The following MYO3B variants were observed in gnomAD, a reference collection of about 807,000 sequenced individuals.
The protein encoded by MYO3B is myosin IIIB, also known as myosin-IIIb.
A neutral mutation model predicts 174.6 loss-of-function variants in MYO3B; 156 were observed. The ratio of observed to expected loss-of-function variants is 0.89; its 90% CI spans 0.78 to 1.02. The LOEUF is 1.02. Ranked by LOEUF, MYO3B falls within the 50% of genes least tolerant of loss-of-function variation. The pLI, the probability that MYO3B is intolerant of heterozygous loss-of-function variation, is 0.00. For missense variants in MYO3B, 1,632 were observed against 1,639.4 expected (o/e 1.00, Z 0.08); for synonymous variants, 563 against 569.1 (o/e 0.99, Z 0.15).
intron 32 of MYO3B, among the ~76,000 whole-genome samples, chr2:170,545,068 A>G (rs569113576): frequency 8.9e-4 from 135 of 152,232 alleles, no homozygotes; most frequent in Admixed American, 2.6e-3. Flanking sequence ...GTGATTATTG[A>G]TATGTTTTGG....
intron 8 of MYO3B, chr2:170,349,946 G>A (rs1020394725): frequency 1.3e-5 from 2 of 152,160 alleles, no homozygotes; most frequent in African/African-American, 4.8e-5. Flanking sequence ...GGTGGCAAAA[G>A]TGGTCAGATA....
intron 32 of MYO3B, among the ~76,000 whole-genome samples, chr2:170,579,556 A>G (rs1343776053): frequency 6.6e-6 from 1 of 152,164 alleles, no homozygotes; most frequent in Non-Finnish European, 1.5e-5. Context: ...TTTTTACTAA[A>G]TGTGTAGGCA....
intron 28 of MYO3B, among the ~76,000 whole-genome samples, chr2:170,506,545 A>G (rs574472550): frequency 1.3e-4 from 20 of 152,322 alleles, no homozygotes; most frequent in Admixed American, 7.8e-4. Flanking sequence ...ACGGTAAACA[A>G]TGAGATTTAA....
At chr2:170,513,163 A>C (rs73975679) in intron 28 of MYO3B, among the ~76,000 whole-genome samples, 2 of 152,094 alleles carry the variant, frequency 1.3e-5, no homozygotes, top group Admixed American at 6.5e-5. Flanking sequence ...TTCTAATTTC[A>C]GTACTTAACA....
At chr2:170,590,865 G>A (rs1473676878) in intron 32 of MYO3B, among the ~76,000 whole-genome samples, 3 of 152,144 alleles carry the variant, frequency 2.0e-5, no homozygotes, top group Non-Finnish European at 4.4e-5. Flanking sequence ...GTGCTGCAGG[G>A]AGAAACGTTT....
At chr2:170,440,584 T>C (rs542538006) in intron 22 of MYO3B, among the ~76,000 whole-genome samples, 16 of 151,906 alleles carry the variant, frequency 1.1e-4, no homozygotes, top group Non-Finnish European at 2.1e-4. Flanking sequence ...TCATTTTTAG[T>C]GTATAAAAAT....
intron 32 of MYO3B, among the ~76,000 whole-genome samples, chr2:170,581,048 A>C (rs1324328419): frequency 6.6e-6 from 1 of 152,158 alleles, no homozygotes; most frequent in Non-Finnish European, 1.5e-5. Context: ...CCTAGGAAGG[A>C]ATTGCTAAGC....
chr2:170,574,914 C>A (rs1692692902), intron 32 of MYO3B, among the ~76,000 whole-genome samples: 1 of 152,108 alleles, frequency 6.6e-6, no homozygotes, highest in South Asian at 2.1e-4. Context: ...TCTCCCTCTC[C>A]CTCTTCTCTT....
At chr2:170,209,408 T>C (rs1360893094) in intron 3 of MYO3B, among the ~76,000 whole-genome samples, 1 of 152,136 alleles carries the variant, frequency 6.6e-6, no homozygotes, top group East Asian at 1.9e-4. Context: ...CAAGCAAAAG[T>C]CAAAAAGATA....
chr2:170,190,370 T>G (rs1287586334), intron 1 of MYO3B, among the ~76,000 whole-genome samples: 1 of 152,128 alleles, frequency 6.6e-6, no homozygotes, highest in African/African-American at 2.4e-5. Flanking sequence ...CTACATTTAC[T>G]CAAGGCCCTA....
At chr2:170,373,476 T>C (rs1212914691) in intron 9 of MYO3B, among the ~76,000 whole-genome samples, 1 of 152,190 alleles carries the variant, frequency 6.6e-6, no homozygotes, top group Non-Finnish European at 1.5e-5. Context: ...GGGAAAACTT[T>C]CTTACCATTC....
intron 32 of MYO3B, among the ~76,000 whole-genome samples, chr2:170,621,503 T>C: frequency 7.2e-6 from 1 of 139,832 alleles, no homozygotes; most frequent in East Asian, 2.3e-4. Flanking sequence ...GGAAATGTTT[T>C]TTTGTTTTTT....
intron 32 of MYO3B, among the ~76,000 whole-genome samples, chr2:170,579,855 G>T (rs181577159): frequency 2.6e-4 from 40 of 152,322 alleles, no homozygotes; most frequent in Non-Finnish European, 2.1e-4. Context: ...GTGAACTGAT[G>T]ACCGTACATT....
At chr2:170,600,956 G>T (rs956964242) in intron 32 of MYO3B, among the ~76,000 whole-genome samples, 1 of 152,168 alleles carries the variant, frequency 6.6e-6, no homozygotes, top group Non-Finnish European at 1.5e-5. Flanking sequence ...AACTGATCAA[G>T]ATTTTGGATT....
At chr2:170,446,308 T>C (rs1003164630) in intron 23 of MYO3B, among the ~76,000 whole-genome samples, 13 of 152,156 alleles carry the variant, frequency 8.5e-5, no homozygotes, top group Non-Finnish European at 1.9e-4. Flanking sequence ...GAACCCCGTG[T>C]CGTATTTCCT....
chr2:170,267,707 C>A (rs2093394862), intron 7 of MYO3B, among the ~76,000 whole-genome samples: 2 of 152,094 alleles, frequency 1.3e-5, no homozygotes, highest in African/African-American at 4.8e-5. Context: ...AACTTTCTTC[C>A]TCTTGATATC....
intron 3 of MYO3B, among the ~76,000 whole-genome samples, chr2:170,212,428 G>A (rs1167771875): frequency 6.6e-6 from 1 of 152,044 alleles, no homozygotes; most frequent in South Asian, 2.1e-4. Flanking sequence ...AGAAGAAGTC[G>A]GAGGACAAAA....
chr2:170,485,914 C>G (rs1417416449), intron 25 of MYO3B, among the ~76,000 whole-genome samples: 1 of 152,124 alleles, frequency 6.6e-6, no homozygotes. Flanking sequence ...ATTCTCCAAC[C>G]TTCTCACACA....
chr2:170,428,138 G>A (rs1445884920), intron 22 of MYO3B, among the ~76,000 whole-genome samples: 7 of 152,174 alleles, frequency 4.6e-5, no homozygotes, highest in South Asian at 2.1e-4. Flanking sequence ...AGCCACAATA[G>A]CAAAGTAAAG....
Sources: gnomAD v4.1 joint callset for allele counts (sites outside exome capture counted in the v4.1 genomes callset) on GRCh38, gnomAD v4.1.1 for gene constraint, MANE v1.5 for transcripts, NCBI Gene and HGNC (gene_info 2026-07-23, HGNC 2026-07-21) for gene names.